The following ALG14 variants were observed in gnomAD, a reference collection of about 807,000 sequenced individuals.
ALG14 encodes the protein ALG14 UDP-N-acetylglucosaminyltransferase subunit.
Under a neutral mutation model 22.8 loss-of-function variants are expected in ALG14, and 17 were observed. The observed-to-expected ratio is 0.75, with a 90% CI of 0.51 to 1.12. The LOEUF (loss-of-function observed/expected upper bound fraction) is 1.12, where lower values mean the gene tolerates loss of function less well. Among genes scored for constraint, ALG14 ranks in the 50% most tolerant of loss-of-function variants. The pLI is 0.00. For synonymous variants in ALG14, 89 were observed against 103.7 expected (o/e 0.86, Z 0.86); for missense variants, 288 against 271.8 (o/e 1.06, Z -0.42).
chr1:95,042,674 ATG>A (rs1297372358), intron 2 of ALG14, among the ~76,000 whole-genome samples: 1 of 152,188 alleles, frequency 6.6e-6, no homozygotes, highest in African/African-American at 2.4e-5. Context: ...GAAACCTCAA[ATG>A]TGATTCCTTT....
At chr1:95,052,561 G>T (rs993303991) in intron 2 of ALG14, among the ~76,000 whole-genome samples, 2 of 151,996 alleles carry the variant, frequency 1.3e-5, no homozygotes, top group Non-Finnish European at 2.9e-5. Flanking sequence ...AACAATTTAC[G>T]AATAATGTGT....
intron 3 of ALG14, among the ~76,000 whole-genome samples, chr1:94,988,232 T>C (rs1672689780): frequency 6.6e-6 from 1 of 151,950 alleles, no homozygotes; most frequent in Admixed American, 6.6e-5. Flanking sequence ...GAATTGTCAA[T>C]AAAGAAAGAA....
intron 3 of ALG14, among the ~76,000 whole-genome samples, chr1:94,985,390 A>G (rs1672616510): frequency 6.6e-6 from 1 of 152,332 alleles, no homozygotes; most frequent in African/African-American, 2.4e-5. Context: ...TACCCACAAG[A>G]TTCCAGTAAT....
intron 2 of ALG14, among the ~76,000 whole-genome samples, chr1:95,033,416 T>TACAC (rs1180008692): frequency 1.6e-5 from 2 of 128,832 alleles, no homozygotes; most frequent in South Asian, 2.9e-4. Context: ...TATATATATA[T>TACAC]ATATACACAC....
rs1359898890 is a variant in ALG14, at chr1:94,976,042, A to G, written c.*7034T>C. 1 of 146,372 alleles carries G rather than the reference A, an allele frequency of 6.8e-6. No homozygotes were observed. Among genetic ancestry groups the G allele is most frequent in the Non-Finnish European group, 1.5e-5 (1 of 66,822 alleles). 9.1% of individuals were successfully genotyped at this position (146,372 alleles called of 1,614,324 possible). On this transcript the variant is annotated 3_prime_UTR_variant, in exon 4 of 4. Transcript: ENST00000370205. ...AAAAAAAAAAAAAAAAAAAAAAAAG[A>G]AAGAAGAGCCTCCTTAACACACCAG...
intron 2 of ALG14, among the ~76,000 whole-genome samples, chr1:95,030,310 A>ATT (rs879860134): frequency 6.8e-6 from 1 of 147,074 alleles, no homozygotes; most frequent in Non-Finnish European, 1.5e-5. Context: ...GACAAACTGG[A>ATT]TTTTTTTTTT....
intron 3 of ALG14, among the ~76,000 whole-genome samples, chr1:94,999,513 CT>C (rs1673003915): frequency 6.6e-6 from 1 of 152,124 alleles, no homozygotes; most frequent in Non-Finnish European, 1.5e-5. Context: ...TCCACTCTTC[CT>C]TTTCCCTCCT....
At chr1:95,034,215 C>G (rs1674111868) in intron 2 of ALG14, among the ~76,000 whole-genome samples, 2 of 152,188 alleles carry the variant, frequency 1.3e-5, no homozygotes, top group South Asian at 4.1e-4. Flanking sequence ...AGTTCTTCTC[C>G]AAATATGTGG....
At chr1:94,995,420 G>A (rs946704134) in intron 3 of ALG14, among the ~76,000 whole-genome samples, 2 of 152,108 alleles carry the variant, frequency 1.3e-5, no homozygotes, top group African/African-American at 2.4e-5. Flanking sequence ...CTTAAAGAAC[G>A]TGGTATTTTG....
chr1:95,059,581 T>G (rs1023858245), intron 2 of ALG14, among the ~76,000 whole-genome samples: 1 of 151,908 alleles, frequency 6.6e-6, no homozygotes, highest in African/African-American at 2.4e-5. Flanking sequence ...GAGGGGCCCT[T>G]TGTTTTGAAT....
Position 94,983,202 on chromosome 1 carries a change from G to A in ALG14, c.525C>T (p.Ile175=), listed in dbSNP as rs754569582. ...ACATGGATAACGTTTCTACACGGCA[G>A]ATGCTTTCAACGTAGACAATGATCA... ...KKVIIVYVES[I]CRVETLSMSG... is the part of the protein sequence containing the mutation. The change falls in exon 4 of 4, where the codon ATC becomes ATT. Residue 175 remains isoleucine, a synonymous_variant. Coordinates refer to ENST00000370205, the MANE Select transcript of ALG14 (RefSeq NM_144988.4). The A allele has an allele frequency of 2.5e-6, 4 of 1,614,140 alleles. No individual in the cohort carries two copies. The South Asian group carries it at 4.4e-5, about 18-fold the overall frequency.
At chr1:95,037,424 C>T (rs545522358) in intron 2 of ALG14, among the ~76,000 whole-genome samples, 1 of 152,280 alleles carries the variant, frequency 6.6e-6, no homozygotes, top group Admixed American at 6.5e-5. Context: ...AAGAGATCCT[C>T]TTCTTCCTCA....
chr1:95,042,228 C>T (rs934636817), intron 2 of ALG14, among the ~76,000 whole-genome samples: 2 of 151,998 alleles, frequency 1.3e-5, no homozygotes, highest in Non-Finnish European at 2.9e-5. Context: ...CCCACCCCAA[C>T]ACTCTATCTC....
rs775378515 is a variant in ALG14 at position 94,978,485 on chromosome 1, T to A, written c.*4591A>T. The A allele has an allele frequency of 6.6e-6, 1 of 152,202 alleles. No homozygotes were observed. Among genetic ancestry groups the A allele is most frequent in the Non-Finnish European group, 1.5e-5 (1 of 68,040 alleles). 9.4% of individuals were successfully genotyped at this position (152,202 alleles called of 1,614,324 possible). On this transcript the variant is annotated 3_prime_UTR_variant, in exon 4 of 4. Coordinates refer to ENST00000370205, the MANE Select transcript of ALG14 (RefSeq NM_144988.4). ...AGTCCCTGAAGACAAACATAAATAA[T>A]CAGCAATAGCATTCATTATTCCTTC... is the stretch of plus-strand genomic sequence containing the variant.
intron 2 of ALG14, among the ~76,000 whole-genome samples, chr1:95,037,397 T>C (rs1178565316): frequency 1.3e-5 from 2 of 152,160 alleles, no homozygotes; most frequent in Non-Finnish European, 2.9e-5. Context: ...GCTGGGGCTC[T>C]CTCTCCCATA....
intron 3 of ALG14, among the ~76,000 whole-genome samples, chr1:95,025,195 G>A (rs1350543587): frequency 1.3e-5 from 2 of 152,116 alleles, no homozygotes; most frequent in East Asian, 3.8e-4. Flanking sequence ...CATTGTCAAT[G>A]AGCAGTATAT....
At chr1:95,025,400 T>A (rs926032240) in intron 3 of ALG14, among the ~76,000 whole-genome samples, 1 of 152,184 alleles carries the variant, frequency 6.6e-6, no homozygotes, top group Non-Finnish European at 1.5e-5. Flanking sequence ...AGATTTAGCA[T>A]AATTCTTAAG....
At chr1:95,056,008 CAA>C (rs71588538) in intron 2 of ALG14, among the ~76,000 whole-genome samples, 5 of 107,080 alleles carry the variant, frequency 4.7e-5, no homozygotes, top group Non-Finnish European at 7.8e-5. Flanking sequence ...GACTCTGTCT[CAA>C]AAAAAAAAAA....
rs1368403582 is a variant in ALG14 at position 94,975,636 on chromosome 1, C to T, written c.*7440G>A. The T allele has an allele frequency of 1.3e-5, 2 of 152,118 alleles. No individual in the cohort carries two copies. Among genetic ancestry groups the T allele is most frequent in the Non-Finnish European group, 2.9e-5 (2 of 68,032 alleles). The allele number at this position is 152,118 out of a possible 1,614,324, so 9.4% of individuals were successfully genotyped here. A position where few individuals can be genotyped will look rare whatever the true frequency, so the allele number is the denominator to read the frequency against. On this transcript the variant is annotated 3_prime_UTR_variant, in exon 4 of 4. Coordinates refer to ENST00000370205, the MANE Select transcript of ALG14 (RefSeq NM_144988.4). ...TAGGAGGGCTCCAATTTCTCCAAAT[C>T]CTTGGCAGCATGTATTTTCTGGGTT...
Sources: gnomAD v4.1 joint callset for allele counts (sites outside exome capture counted in the v4.1 genomes callset) on GRCh38, gnomAD v4.1.1 for gene constraint, MANE v1.5 for transcripts, NCBI Gene and HGNC (gene_info 2026-07-23, HGNC 2026-07-21) for gene names.